Variants in CNTNAP2 observed in about 807,000 individuals in gnomAD.
CNTNAP2 encodes contactin associated protein 2, also known as contactin-associated protein-like 2.
CNTNAP2 carries 98 observed loss-of-function variants against 155.2 expected under a neutral mutation model. That is an observed-to-expected ratio of 0.63 (90% confidence interval 0.54 to 0.75). The LOEUF (loss-of-function observed/expected upper bound fraction) is 0.75, where lower values mean the gene tolerates loss of function less well. Among genes scored for constraint, CNTNAP2 ranks in the 30% least tolerant of loss-of-function variants. The pLI is 0.00. For synonymous variants in CNTNAP2, 651 were observed against 631.2 expected, an observed-to-expected ratio of 1.03 and a Z score of -0.47; for missense variants, 1,727 against 1,688.1, an observed-to-expected ratio of 1.02 and a Z score of -0.40.
At chr7:147,658,835 T>G (rs988758526) in intron 13 of CNTNAP2, among the ~76,000 whole-genome samples, 2 of 152,198 alleles carry the variant, frequency 1.3e-5, no homozygotes, top group African/African-American at 4.8e-5. Flanking sequence ...GTTCTGTTAA[T>G]GTACTCAATC....
intron 15 of CNTNAP2, among the ~76,000 whole-genome samples, chr7:147,982,153 T>C (rs150255049): frequency 2.1e-4 from 32 of 152,308 alleles, no homozygotes; most frequent in Middle Eastern, 3.4e-3. Flanking sequence ...ATACTATATA[T>C]GACGAATATA....
rs114263140 is a variant in CNTNAP2 at position 147,261,575 on chromosome 7, A to G, written c.1349-38566A>G. On this transcript the variant is annotated intron_variant, in intron 8 of 23. Coordinates refer to ENST00000361727, the MANE Select transcript of CNTNAP2 (RefSeq NM_014141.6). ...TACTTTAAAAAAAAAAAAACCTACCATGAAGAACAACTCACCTATTGCAAG... is the reference window on the plus strand; with the variant it reads ...TACTTTAAAAAAAAAAAAACCTACCGTGAAGAACAACTCACCTATTGCAAG... Among the ~76,000 whole-genome samples, 1,191 of 151,960 alleles carry G rather than the reference A, an allele frequency of 7.8e-3. 18 individuals are homozygous for G. Among genetic ancestry groups the G allele is most frequent in the African/African-American group, 0.028 (1,142 of 41,454 alleles).
intron 1 of CNTNAP2, among the ~76,000 whole-genome samples, chr7:146,307,153 G>A (rs1186788017): frequency 1.3e-5 from 2 of 152,184 alleles, no homozygotes; most frequent in African/African-American, 4.8e-5. Context: ...AAATCAATGT[G>A]CAAAAATCAC....
In CNTNAP2 at chr7:147,293,687, A is replaced by C. The variant is rs1805360209; in HGVS notation, c.1349-6454A>C. Among the ~76,000 whole-genome samples, 3 of 152,098 alleles carry C rather than the reference A, an allele frequency of 2.0e-5. No homozygotes were observed. In the South Asian group the frequency reaches 6.2e-4, roughly 31 times the overall value. On this transcript the variant is annotated intron_variant, in intron 8 of 23. Coordinates refer to ENST00000361727, the MANE Select transcript of CNTNAP2 (RefSeq NM_014141.6). ...CTTTTTCTTTTTTCAACATTCATTA[A>C]ACCAGTCTTTTCTTCTTGTCTCTAA...
At chr7:147,712,514 A>AGACT (rs1796414172) in intron 13 of CNTNAP2, among the ~76,000 whole-genome samples, 1 of 152,360 alleles carries the variant, frequency 6.6e-6, no homozygotes, top group Admixed American at 6.5e-5. Context: ...CATCAATGAT[A>AGACT]GACTGGATTA....
chr7:147,772,196 C>T (rs913138237), intron 13 of CNTNAP2, among the ~76,000 whole-genome samples: 4 of 151,464 alleles, frequency 2.6e-5, no homozygotes, highest in Admixed American at 6.6e-5. Context: ...GAGGCCAAGG[C>T]GGGTGGATCA....
chr7:146,722,005 C>T (rs967551403), intron 1 of CNTNAP2, among the ~76,000 whole-genome samples: 1 of 149,066 alleles, frequency 6.7e-6, no homozygotes, highest in Non-Finnish European at 1.5e-5. Context: ...TCTCCTGTCT[C>T]AGCCTCTGAG....
At chr7:147,904,012 A>C (rs1309182529) in intron 14 of CNTNAP2, among the ~76,000 whole-genome samples, 1 of 152,190 alleles carries the variant, frequency 6.6e-6, no homozygotes, top group East Asian at 1.9e-4. Flanking sequence ...TTGCATTATA[A>C]AATGTGCTGT....
intron 13 of CNTNAP2, among the ~76,000 whole-genome samples, chr7:147,710,826 G>A (rs764540034): frequency 1.3e-5 from 2 of 152,162 alleles, no homozygotes; most frequent in Non-Finnish European, 2.9e-5. Context: ...AACTGTGGTT[G>A]TGGACATGCT....
At chr7:147,539,090 A>G (rs1799597337) in intron 11 of CNTNAP2, among the ~76,000 whole-genome samples, 1 of 152,196 alleles carries the variant, frequency 6.6e-6, no homozygotes, top group Non-Finnish European at 1.5e-5. Context: ...CTGAATTAAT[A>G]AGCCAATAGG....
intron 1 of CNTNAP2, among the ~76,000 whole-genome samples, chr7:146,522,244 G>C (rs972617343): frequency 1.5e-4 from 23 of 152,100 alleles, no homozygotes; most frequent in Admixed American, 5.3e-4. Context: ...CTGAGATTGT[G>C]AATTTCCATA....
chr7:147,670,406 T>C (rs1168273127), intron 13 of CNTNAP2, among the ~76,000 whole-genome samples: 1 of 152,158 alleles, frequency 6.6e-6, no homozygotes, highest in Non-Finnish European at 1.5e-5. Flanking sequence ...CCCTCAAGCC[T>C]GGGAACACAG....
chr7:146,430,106 C>G (rs533656360), intron 1 of CNTNAP2, among the ~76,000 whole-genome samples: 3 of 151,858 alleles, frequency 2.0e-5, no homozygotes, highest in East Asian at 3.9e-4. Flanking sequence ...TGATGTGCTG[C>G]TAGATTCAGT....
In CNTNAP2 at chr7:148,373,441, C is replaced by T. The variant is rs932079821; in HGVS notation, c.3476-10208C>T. ...CTGCACTCCAGCCTGGACGACAGAG[C>T]GAGACTCAGTCTCAAAAAACAACAA... On this transcript the variant is annotated intron_variant, in intron 21 of 23. Coordinates refer to ENST00000361727, the MANE Select transcript of CNTNAP2 (RefSeq NM_014141.6). Among the ~76,000 whole-genome samples, 7 of 152,072 alleles carry T rather than the reference C, an allele frequency of 4.6e-5. No individual in the cohort carries two copies. In the East Asian group the frequency reaches 7.7e-4, roughly 17 times the overall value.
chr7:147,660,566 C>A (rs887844883), intron 13 of CNTNAP2, among the ~76,000 whole-genome samples: 1 of 152,170 alleles, frequency 6.6e-6, no homozygotes, highest in Non-Finnish European at 1.5e-5. Flanking sequence ...GACATCACCT[C>A]GTGCGTATGG....
chr7:147,857,407 CAA>C (rs1250129596), intron 13 of CNTNAP2, among the ~76,000 whole-genome samples: 2 of 152,070 alleles, frequency 1.3e-5, no homozygotes, highest in African/African-American at 4.8e-5. Flanking sequence ...TGGCTGTTGG[CAA>C]AAGTTTTCAA....
chr7:146,417,788 C>G (rs1276130745), intron 1 of CNTNAP2, among the ~76,000 whole-genome samples: 2 of 152,086 alleles, frequency 1.3e-5, no homozygotes, highest in Non-Finnish European at 2.9e-5. Context: ...CTTACATATA[C>G]TATGTAGTTA....
intron 4 of CNTNAP2, among the ~76,000 whole-genome samples, chr7:147,101,424 C>T (rs370147815): frequency 6.6e-6 from 1 of 152,170 alleles, no homozygotes; most frequent in African/African-American, 2.4e-5. Context: ...CCTGGCTCCA[C>T]GGCAGTGTCT....
intron 3 of CNTNAP2, among the ~76,000 whole-genome samples, chr7:146,895,606 T>C (rs1300653132): frequency 6.6e-6 from 1 of 152,138 alleles, no homozygotes; most frequent in South Asian, 2.1e-4. Context: ...ATTGTTCATA[T>C]TTATGGGGTA....
Sources: gnomAD v4.1 joint callset for allele counts (sites outside exome capture counted in the v4.1 genomes callset) on GRCh38, gnomAD v4.1.1 for gene constraint, MANE v1.5 for transcripts, NCBI Gene and HGNC (gene_info 2026-07-23, HGNC 2026-07-21) for gene names.